ZNF484: variants seen among roughly 807,000 people sequenced by gnomAD.
ZNF484 encodes KRAB box containing C2H2 type zinc finger bA526D8.4.
A neutral mutation model predicts 12.9 loss-of-function variants in ZNF484; 11 were observed. The observed-to-expected ratio is 0.85, with a 90% CI of 0.54 to 1.41. ZNF484 has a LOEUF of 1.41. Among genes scored for constraint, ZNF484 ranks in the 40% most tolerant of loss-of-function variants. ZNF484 has a pLI of 0.00. For missense variants in ZNF484, 807 were observed against 1,007.7 expected (o/e 0.80, Z 2.70); for synonymous variants, 289 against 334.1 (o/e 0.86, Z 1.47).
At chr9:92,867,411 G>A (rs1338415559) in intron 2 of ZNF484, among the ~76,000 whole-genome samples, 2 of 152,204 alleles carry the variant, frequency 1.3e-5, no homozygotes, top group Admixed American at 1.3e-4. Flanking sequence ...GAACCCGGGA[G>A]GCGGAGGTTG....
intron 4 of ZNF484, among the ~76,000 whole-genome samples, chr9:92,850,682 C>G (rs1856018623): frequency 6.6e-6 from 1 of 152,148 alleles, no homozygotes; most frequent in East Asian, 1.9e-4. Flanking sequence ...CTCCCGGGTT[C>G]AAGCAATTCT....
In ZNF484 at chr9:92,848,215, A is replaced by G. The variant is rs781358473; in HGVS notation, c.572T>C (p.Leu191Ser). Reference protein sequence around the residue: ...CGKNLEPIITLYNRNNATENS... With the variant: ...CGKNLEPIITSYNRNNATENS... ...TTCTGTTGCATTGTTTCTATTATAT[A>G]AGGTTATGATAGGCTCCAAATTCTT... Residue 191 changes from leucine to serine, a missense_variant, in exon 5 of 5, where the codon TTA (leucine) becomes TCA (serine). By Grantham distance (145) the Leu-to-Ser change is moderately radical. Transcript: ENST00000375495. The surrounding 1 kb of genome is among the most constrained non-coding windows in gnomAD (Gnocchi z 4.1). 13 of 1,613,968 alleles carry G rather than the reference A, an allele frequency of 8.1e-6. No individual in the cohort carries two copies. Among genetic ancestry groups the G allele is most frequent in the Non-Finnish European group, 9.3e-6 (11 of 1,179,984 alleles).
At chr9:92,864,009 G>A (rs1214375748) in intron 2 of ZNF484, among the ~76,000 whole-genome samples, 3 of 152,168 alleles carry the variant, frequency 2.0e-5, no homozygotes, top group East Asian at 1.9e-4. Flanking sequence ...AGAGAGTAAC[G>A]TCTTAGAATG....
rs145780541 is a variant in ZNF484 at position 92,869,306 on chromosome 9, G to C, written c.15+5709C>G. Among the ~76,000 whole-genome samples the C allele has an allele frequency of 2.6e-3, 391 of 152,228 alleles. 2 individuals are homozygous for C. Among genetic ancestry groups the C allele is most frequent in the African/African-American group, 8.7e-3 (362 of 41,542 alleles). On this transcript the variant is annotated intron_variant, in intron 2 of 4. Transcript: ENST00000375495. The stretch of plus-strand genomic sequence containing the variant: ...GAAAACAAAACAAATGATTAAGCCA[G>C]ACACTTATAATTTCAGGTAAAACAA...
At chr9:92,871,863 T>C (rs1587769375) in intron 2 of ZNF484, among the ~76,000 whole-genome samples, 1 of 152,234 alleles carries the variant, frequency 6.6e-6, no homozygotes, top group East Asian at 1.9e-4. Context: ...AAATCGGCTG[T>C]CCTTAAAATA....
chr9:92,847,926 G>A lies in ZNF484; in HGVS notation c.861C>T (p.Val287=). The part of the protein sequence containing the change: ...KQHECHECEA[V]FTQKSQLDGS... ...CATCAAGCTGGGACTTCTGAGTGAA[G>A]ACTGCCTCACATTCATGGCATTCAT... Residue 287 remains valine (V), a synonymous_variant, in exon 5 of 5, where the codon GTC becomes GTT. Transcript: ENST00000375495. 6.2e-7 allele frequency: 1 copy of A among 1,614,176 alleles called. No individual in the cohort carries two copies. Among genetic ancestry groups the A allele is most frequent in the Non-Finnish European group, 8.5e-7 (1 of 1,180,040 alleles).
intron 2 of ZNF484, among the ~76,000 whole-genome samples, chr9:92,861,562 ATCAGTTACC>A (rs1346390684): frequency 1.3e-5 from 2 of 152,230 alleles, no homozygotes; most frequent in Admixed American, 1.3e-4. Context: ...AAAGGAAAGA[ATCAGTTACC>A]TCAGTTACCT....
At chr9:92,849,083 G>A (rs372099331) in intron 4 of ZNF484, among the ~76,000 whole-genome samples, 7 of 151,964 alleles carry the variant, frequency 4.6e-5, no homozygotes, top group South Asian at 2.1e-4. Context: ...CCAACATGGA[G>A]AAACCTCATC....
At chr9:92,864,034 T>C (rs923212686) in intron 2 of ZNF484, among the ~76,000 whole-genome samples, 1 of 152,136 alleles carries the variant, frequency 6.6e-6, no homozygotes, top group African/African-American at 2.4e-5. Flanking sequence ...TGGGGATTAG[T>C]TGATGGGGTT....
At chr9:92,871,217 T>C (rs1243728618) in intron 2 of ZNF484, among the ~76,000 whole-genome samples, 1 of 151,500 alleles carries the variant, frequency 6.6e-6, no homozygotes, top group Non-Finnish European at 1.5e-5. Context: ...CAAAAAAACT[T>C]CAACAAAGAA....
At chr9:92,868,680 G>C (rs1857251458) in intron 2 of ZNF484, among the ~76,000 whole-genome samples, 1 of 152,068 alleles carries the variant, frequency 6.6e-6, no homozygotes, top group African/African-American at 2.4e-5. Context: ...TATGGCAAAA[G>C]AGGAAGAAAG....
chr9:92,869,256 A>G (rs1453230853), intron 2 of ZNF484, among the ~76,000 whole-genome samples: 4 of 152,136 alleles, frequency 2.6e-5, no homozygotes, highest in Non-Finnish European at 4.4e-5. Flanking sequence ...TGATATGTAT[A>G]ATATATATTG....
At chr9:92,874,871 G>A in intron 2 of ZNF484, 144 bp downstream of exon 2, 2 of 768,416 alleles carry the variant, frequency 2.6e-6, no homozygotes, top group South Asian at 4.1e-5. Context: ...ACTTGGGGCT[G>A]ACAGTCTCTT....
chr9:92,852,636 A>G (rs1016432225), intron 4 of ZNF484, among the ~76,000 whole-genome samples: 1 of 148,094 alleles, frequency 6.8e-6, no homozygotes, highest in African/African-American at 2.5e-5. Context: ...TCCTGGGATC[A>G]AGTGATTCTC....
chr9:92,861,360 G>A (rs1013122654), intron 2 of ZNF484, among the ~76,000 whole-genome samples: 1 of 152,166 alleles, frequency 6.6e-6, no homozygotes, highest in African/African-American at 2.4e-5. Flanking sequence ...ATTTGACAAG[G>A]ATTTAAAGTA....
chr9:92,851,421 G>A (rs1856071301), intron 4 of ZNF484, among the ~76,000 whole-genome samples: 1 of 152,176 alleles, frequency 6.6e-6, no homozygotes, highest in Admixed American at 6.5e-5. Flanking sequence ...AGTTTTTATT[G>A]GAACACAGCC....
chr9:92,865,028 C>CAG (rs1199904785), intron 2 of ZNF484, among the ~76,000 whole-genome samples: 4 of 151,478 alleles, frequency 2.6e-5, no homozygotes, highest in East Asian at 1.9e-4. Flanking sequence ...CACACACACA[C>CAG]AGAGAGAGAG....
intron 1 of ZNF484, 139 bp from the exon 2 acceptor site, chr9:92,875,198 A>T (rs777254746): frequency 1.6e-6 from 1 of 634,434 alleles, no homozygotes; most frequent in Non-Finnish European, 2.7e-6. Flanking sequence ...ATATCATCCC[A>T]TCCCATATTG....
intron 2 of ZNF484, among the ~76,000 whole-genome samples, chr9:92,865,042 AAGAG>A (rs376487576): frequency 7.3e-5 from 11 of 150,572 alleles, no homozygotes; most frequent in South Asian, 2.1e-4. Flanking sequence ...GAGAGAGAGA[AAGAG>A]AGAGAGAGAG....
Sources: gnomAD v4.1 joint callset for allele counts (sites outside exome capture counted in the v4.1 genomes callset) on GRCh38, gnomAD v4.1.1 for gene constraint, Gnocchi (gnomAD v3.1) non-coding constraint, MANE v1.5 for transcripts, NCBI Gene and HGNC (gene_info 2026-07-23, HGNC 2026-07-21) for gene names.